ZNF493: variants seen among roughly 807,000 people sequenced by gnomAD.
ZNF493 encodes the protein zinc finger protein 493.
In ZNF493, 11 loss-of-function variants were observed where a neutral mutation model predicts 12.2. That is an observed-to-expected ratio of 0.90 (90% CI 0.57 to 1.50). The LOEUF is 1.50. Among genes scored for constraint, ZNF493 ranks in the 40% most tolerant of loss-of-function variants. The pLI is 0.00. For synonymous variants in ZNF493, 286 were observed against 302.6 expected (o/e 0.95, Z 0.57); for missense variants, 950 against 906.6 (o/e 1.05, Z -0.61).
At chr19:21,402,868 T>A (rs2029993836) in intron 1 of ZNF493, among the ~76,000 whole-genome samples, 1 of 152,208 alleles carries the variant, frequency 6.6e-6, no homozygotes, top group East Asian at 1.9e-4. Flanking sequence ...CAACTATACC[T>A]ACCTGTAAAT....
intron 3 of ZNF493, chr19:21,407,635 G>A (rs935643896): frequency 7.8e-5 from 76 of 977,686 alleles, no homozygotes; most frequent in Non-Finnish European, 8.6e-5. Flanking sequence ...CTTGTTTTAA[G>A]TGTGTAGAAC....
intron 3 of ZNF493, chr19:21,408,108 T>C (rs1028750808): frequency 2.1e-6 from 2 of 974,708 alleles, no homozygotes; most frequent in African/African-American, 1.8e-5. Flanking sequence ...GTAGTTGTAC[T>C]TCCCAATTTT....
rs78087023 is a variant in ZNF493 at position 21,401,558 on chromosome 19, T to C, written c.31-3571T>C. Among the ~76,000 whole-genome samples the C allele has an allele frequency of 1.8e-4, 27 of 152,192 alleles. No individual in the cohort carries two copies. The East Asian group carries it at 4.8e-3, about 27-fold the overall frequency. On this transcript the variant is annotated intron_variant, in intron 1 of 3. Coordinates refer to ENST00000392288, the MANE Select transcript of ZNF493 (RefSeq NM_001076678.3). Reference sequence around the variant, plus strand: ...AGCTCTTACTTTACATCTGGTAGAATTCAGCTGTAAATTTGTGTGGTTCTT... The same window carrying C: ...AGCTCTTACTTTACATCTGGTAGAACTCAGCTGTAAATTTGTGTGGTTCTT...
intron 1 of ZNF493, chr19:21,398,502 C>G (rs1158009403): frequency 7.0e-6 from 2 of 286,922 alleles, no homozygotes; most frequent in Non-Finnish European, 1.3e-5. Context: ...TTGGTTTTTT[C>G]CTGGTCATGG....
chr19:21,422,820 T>A, intron 3 of ZNF493, 93 bp from the exon 4 acceptor site: 1 of 1,168,754 alleles, frequency 8.6e-7, no homozygotes. Flanking sequence ...CTATCTGGTT[T>A]ATGCAGTTTG....
At chr19:21,398,810 A>C (rs1432297667) in intron 1 of ZNF493, 1 of 170,856 alleles carries the variant, frequency 5.9e-6, no homozygotes, top group Non-Finnish European at 1.2e-5. Flanking sequence ...GGGAAAACAC[A>C]GAAATAATTT....
At chr19:21,408,282 C>G in intron 3 of ZNF493, 1 of 590,200 alleles carries the variant, frequency 1.7e-6, no homozygotes, top group African/African-American at 2.0e-5. Context: ...CCCACCAGCA[C>G]GCCCAGCTAA....
chr19:21,425,634 AAC>A lies in ZNF493; in HGVS notation c.*651_*652del. On this transcript the variant is annotated 3_prime_UTR_variant, in exon 4 of 4. Transcript: ENST00000392288. ...ATGTGAAAAATGTGGCAAACCTTTTAACCAATCCTCAACCCTTACTACACATT... is the reference window on the plus strand; with the variant it reads ...ATGTGAAAAATGTGGCAAACCTTTTACAATCCTCAACCCTTACTACACATT... The A allele has an allele frequency of 1.2e-6, 1 of 809,876 alleles. No individual in the cohort carries two copies. Among genetic ancestry groups the A allele is most frequent in the Non-Finnish European group, 2.0e-6 (1 of 503,900 alleles). The allele number at this position is 809,876 out of a possible 1,614,324, so 50.2% of individuals were successfully genotyped here.
chr19:21,408,174 G>A (rs567008801), intron 3 of ZNF493: 4 of 951,580 alleles, frequency 4.2e-6, no homozygotes, highest in South Asian at 9.8e-5. Flanking sequence ...TCGCCTGGCT[G>A]GAGTGCAGTG....
chr19:21,399,417 C>T (rs1020164499), intron 1 of ZNF493, among the ~76,000 whole-genome samples: 10 of 152,084 alleles, frequency 6.6e-5, no homozygotes, highest in Non-Finnish European at 1.2e-4. Context: ...GCCTCGGCCT[C>T]CCAAAGTGCT....
chr19:21,411,545 C>A (rs2030326882), intron 3 of ZNF493, among the ~76,000 whole-genome samples: 1 of 151,896 alleles, frequency 6.6e-6, no homozygotes, highest in South Asian at 2.1e-4. Context: ...CAAAGTGAAA[C>A]CCCGTCTCTA....
chr19:21,416,276 C>A (rs2030490500), intron 3 of ZNF493, among the ~76,000 whole-genome samples: 1 of 151,416 alleles, frequency 6.6e-6, no homozygotes, highest in South Asian at 2.1e-4. Context: ...CAGGGACATA[C>A]CCCATTTCAT....
intron 2 of ZNF493, chr19:21,405,546 C>T: frequency 7.8e-7 from 1 of 1,283,102 alleles, no homozygotes; most frequent in Non-Finnish European, 1.0e-6. Context: ...ATCTATATGC[C>T]ACCACTAATT....
intron 3 of ZNF493, among the ~76,000 whole-genome samples, chr19:21,420,602 T>TATATATATATAG (rs1365007083): frequency 1.6e-4 from 2 of 12,890 alleles, no homozygotes; most frequent in Non-Finnish European, 3.8e-4. Flanking sequence ...TATATATATA[T>TATATATATATAG]ATATATATAT....
chr19:21,399,869 G>A (rs1486914925), intron 1 of ZNF493, among the ~76,000 whole-genome samples: 1 of 152,082 alleles, frequency 6.6e-6, no homozygotes, highest in African/African-American at 2.4e-5. Flanking sequence ...GGTGAGTTAC[G>A]TAGATTCATA....
chr19:21,405,628 T>C (rs2030095407), intron 2 of ZNF493, 133 bp from the exon 3 acceptor site: 2 of 1,080,490 alleles, frequency 1.9e-6, no homozygotes, highest in Non-Finnish European at 2.5e-6. Context: ...TGTTAAGAAC[T>C]TTCTGTCATT....
intron 1 of ZNF493, among the ~76,000 whole-genome samples, chr19:21,403,817 A>C (rs2030028643): frequency 6.6e-6 from 1 of 152,166 alleles, no homozygotes. Context: ...GTGATAGTCA[A>C]GGGTCTCTGC....
Position 21,425,294 on chromosome 19 carries a change from T to G in ZNF493, c.*310T>G, listed in dbSNP as rs2030825985. On this transcript the variant is annotated 3_prime_UTR_variant, in exon 4 of 4. Coordinates refer to ENST00000392288, the MANE Select transcript of ZNF493 (RefSeq NM_001076678.3). ...ACAAATATGAAGAATGTGACAAAGC[T>G]TTTAACCACTTCTCAACCCTGCCTA... 2.2e-6 allele frequency: 1 copy of G among 456,472 alleles called. No individual in the cohort carries two copies. The highest frequency in any genetic ancestry group is 3.4e-5 in the Admixed American group (1 of 29,380). 28.3% of individuals were successfully genotyped at this position (456,472 alleles called of 1,614,324 possible). A position where few individuals can be genotyped will look rare whatever the true frequency, so the allele number is the denominator to read the frequency against.
chr19:21,415,727 C>T (rs916831342), intron 3 of ZNF493, among the ~76,000 whole-genome samples: 14 of 152,112 alleles, frequency 9.2e-5, no homozygotes, highest in African/African-American at 3.1e-4. Context: ...CTTGTGGCAA[C>T]ATTTTCCAAT....
Sources: allele counts gnomAD v4.1 joint callset (sites outside exome capture counted in the v4.1 genomes callset), GRCh38; gene constraint gnomAD v4.1.1; transcripts MANE v1.5; gene names NCBI Gene and HGNC (gene_info 2026-07-23, HGNC 2026-07-21).